The following POU6F2 variants were observed in gnomAD, a reference collection of about 807,000 sequenced individuals.
POU6F2 encodes POU domain, class 6, transcription factor 2.
Under a neutral mutation model 71.3 loss-of-function variants are expected in POU6F2, and 31 were observed. The observed-to-expected ratio is 0.43, with a 90% CI of 0.33 to 0.59. The LOEUF is 0.59. POU6F2 is among the 20% of genes least tolerant of loss of function. POU6F2 has a pLI of 0.04. For synonymous variants in POU6F2, 347 were observed against 355.7 expected, an observed-to-expected ratio of 0.98 and a Z score of 0.27; for missense variants, 783 against 856.8, an observed-to-expected ratio of 0.91 and a Z score of 1.07.
intron 2 of POU6F2, among the ~76,000 whole-genome samples, chr7:39,189,819 A>C (rs1315325772): frequency 6.6e-6 from 1 of 152,156 alleles, no homozygotes; most frequent in Non-Finnish European, 1.5e-5. Flanking sequence ...CACTTCCTTG[A>C]ACTCTTTCCA....
intron 1 of POU6F2, chr7:39,083,905 TTAAC>T (rs1368884569): frequency 6.6e-6 from 1 of 152,166 alleles, no homozygotes; most frequent in African/African-American, 2.4e-5. Context: ...TATTTAGTAA[TTAAC>T]AGTGTAAAGG....
chr7:39,264,607 TG>T (rs1784205550), intron 4 of POU6F2, among the ~76,000 whole-genome samples: 1 of 152,222 alleles, frequency 6.6e-6, no homozygotes, highest in Non-Finnish European at 1.5e-5. Context: ...TTTACCCGTC[TG>T]GCTCCCCTCC....
chr7:39,082,446 C>T (rs1419521068), intron 1 of POU6F2, among the ~76,000 whole-genome samples: 3 of 152,208 alleles, frequency 2.0e-5, no homozygotes, highest in African/African-American at 7.2e-5. Context: ...TTTTACTTCT[C>T]ACCTGCACTA....
intron 5 of POU6F2, among the ~76,000 whole-genome samples, chr7:39,346,629 T>C (rs188474451): frequency 1.4e-4 from 21 of 152,362 alleles, no homozygotes; most frequent in Admixed American, 1.3e-3. Flanking sequence ...GAAACAGTTT[T>C]GCCTTCATGT....
At chr7:39,252,128 A>G (rs907012044) in intron 4 of POU6F2, among the ~76,000 whole-genome samples, 1 of 151,982 alleles carries the variant, frequency 6.6e-6, no homozygotes, top group African/African-American at 2.4e-5. Flanking sequence ...ATCTCTGTGG[A>G]AAGATCAGCA....
chr7:39,360,147 A>G (rs1786347802), intron 5 of POU6F2, among the ~76,000 whole-genome samples: 1 of 152,218 alleles, frequency 6.6e-6, no homozygotes, highest in Non-Finnish European at 1.5e-5. Flanking sequence ...AGGGTAGTTA[A>G]CATCCTTATT....
At chr7:39,393,294 T>G (rs1261901765) in intron 5 of POU6F2, among the ~76,000 whole-genome samples, 1 of 152,170 alleles carries the variant, frequency 6.6e-6, no homozygotes, top group East Asian at 1.9e-4. Context: ...CTCTAATAAT[T>G]TAGACCATTT....
chr7:39,456,748 A>C (rs536703540), intron 8 of POU6F2, among the ~76,000 whole-genome samples: 10 of 152,210 alleles, frequency 6.6e-5, no homozygotes, highest in Non-Finnish European at 1.3e-4. Flanking sequence ...GCAGTCAACA[A>C]ATTTTGCAGA....
intron 4 of POU6F2, among the ~76,000 whole-genome samples, chr7:39,292,865 G>A (rs918214476): frequency 3.9e-5 from 6 of 152,096 alleles, no homozygotes; most frequent in Non-Finnish European, 7.4e-5. Flanking sequence ...TGGGTTGGGG[G>A]GCTGCAGGGA....
chr7:39,100,687 G>A (rs1021312764), intron 2 of POU6F2, among the ~76,000 whole-genome samples: 2 of 152,132 alleles, frequency 1.3e-5, no homozygotes, highest in African/African-American at 4.8e-5. Flanking sequence ...TTAAGCCAGT[G>A]GCAATGACCA....
At chr7:39,438,309 G>A (rs576303888) in intron 7 of POU6F2, among the ~76,000 whole-genome samples, 2 of 152,258 alleles carry the variant, frequency 1.3e-5, no homozygotes, top group East Asian at 1.9e-4. Context: ...GTATTCCATG[G>A]TGCATATGTG....
intron 4 of POU6F2, among the ~76,000 whole-genome samples, chr7:39,325,841 G>A (rs922100006): frequency 5.9e-5 from 9 of 152,136 alleles, no homozygotes; most frequent in African/African-American, 1.2e-4. Context: ...TTTGAAAGCC[G>A]GGGTGCATCT....
intron 2 of POU6F2, among the ~76,000 whole-genome samples, chr7:39,129,786 G>A (rs968329371): frequency 6.6e-5 from 10 of 151,876 alleles, no homozygotes; most frequent in Admixed American, 2.0e-4. Flanking sequence ...TTTTTCGGCC[G>A]GGCGCTGTGG....
At chr7:39,249,327 G>C (rs1476460189) in intron 4 of POU6F2, among the ~76,000 whole-genome samples, 1 of 152,038 alleles carries the variant, frequency 6.6e-6, no homozygotes, top group Non-Finnish European at 1.5e-5. Context: ...TTAAACCTGG[G>C]TTCGGCCCTG....
intron 4 of POU6F2, among the ~76,000 whole-genome samples, chr7:39,254,277 G>A (rs1009229154): frequency 3.9e-5 from 6 of 151,998 alleles, no homozygotes; most frequent in Non-Finnish European, 8.8e-5. Flanking sequence ...TTAAACATTC[G>A]CAACGGCCTG....
At chr7:39,388,526 G>A (rs1435449340) in intron 5 of POU6F2, among the ~76,000 whole-genome samples, 1 of 152,156 alleles carries the variant, frequency 6.6e-6, no homozygotes, top group Admixed American at 6.5e-5. Flanking sequence ...ACGTTGGCCA[G>A]GCTGGTCTCG....
intron 4 of POU6F2, among the ~76,000 whole-genome samples, chr7:39,219,255 C>T (rs771793904): frequency 6.6e-6 from 1 of 152,266 alleles, no homozygotes; most frequent in Non-Finnish European, 1.5e-5. Flanking sequence ...TAAGGATTTG[C>T]CAGGTTTCCA....
At chr7:39,094,233 G>A (rs1430541371) in intron 2 of POU6F2, among the ~76,000 whole-genome samples, 1 of 152,092 alleles carries the variant, frequency 6.6e-6, no homozygotes, top group Non-Finnish European at 1.5e-5. Context: ...GATTTGCGCA[G>A]TTTAATTCAG....
intron 6 of POU6F2, among the ~76,000 whole-genome samples, chr7:39,422,360 G>A (rs940939498): frequency 3.9e-5 from 6 of 152,102 alleles, no homozygotes; most frequent in Admixed American, 3.3e-4. Context: ...GAGGAAAAAA[G>A]AATAAGTAAG....
Sources: allele counts gnomAD v4.1 joint callset (sites outside exome capture counted in the v4.1 genomes callset), GRCh38; gene constraint gnomAD v4.1.1; transcripts MANE v1.5; gene names NCBI Gene and HGNC (gene_info 2026-07-23, HGNC 2026-07-21).